Variants in AGBL4 observed in about 807,000 individuals in gnomAD.
The protein encoded by AGBL4 is cytosolic carboxypeptidase 6.
AGBL4 carries 58 observed loss-of-function variants against 66.4 expected under a neutral mutation model. That is an observed-to-expected ratio of 0.87 (90% confidence interval 0.71 to 1.09). The LOEUF is 1.09. Ranked by LOEUF, AGBL4 falls within the 50% of genes least tolerant of loss-of-function variation. AGBL4 has a pLI of 0.00. For missense variants in AGBL4, 579 were observed against 631.0 expected (o/e 0.92, Z 0.88); for synonymous variants, 234 against 222.9 (o/e 1.05, Z -0.44).
intron 6 of AGBL4, among the ~76,000 whole-genome samples, chr1:48,852,656 T>G (rs138549855): frequency 3.3e-5 from 5 of 152,342 alleles, no homozygotes; most frequent in Admixed American, 6.5e-5. Flanking sequence ...AAAACAAGCA[T>G]TCTTACAGTT....
At chr1:49,938,841 GT>G (rs1361984622) in intron 1 of AGBL4, among the ~76,000 whole-genome samples, 2 of 151,964 alleles carry the variant, frequency 1.3e-5, no homozygotes, top group Non-Finnish European at 2.9e-5. Flanking sequence ...AGTGTTGGAA[GT>G]TCTGGCCAGG....
intron 2 of AGBL4, among the ~76,000 whole-genome samples, chr1:49,740,478 T>A (rs1276822275): frequency 6.6e-6 from 1 of 152,130 alleles, no homozygotes. Flanking sequence ...ACTGTCAATA[T>A]TAGACAGATC....
intron 2 of AGBL4, among the ~76,000 whole-genome samples, chr1:49,717,735 C>T (rs1032549681): frequency 4.6e-5 from 7 of 151,952 alleles, no homozygotes; most frequent in Non-Finnish European, 8.8e-5. Flanking sequence ...ATTGTTATAT[C>T]GGCAGCACCT....
At chr1:49,373,806 G>C (rs1246646674) in intron 3 of AGBL4, among the ~76,000 whole-genome samples, 1 of 152,032 alleles carries the variant, frequency 6.6e-6, no homozygotes, top group East Asian at 1.9e-4. Context: ...TAGAGGAGGA[G>C]AAAATACTCC....
intron 3 of AGBL4, among the ~76,000 whole-genome samples, chr1:49,483,549 T>G (rs1478660725): frequency 6.6e-6 from 1 of 151,910 alleles, no homozygotes; most frequent in African/African-American, 2.4e-5. Flanking sequence ...GATATCCATA[T>G]GGAAAAGAAG....
chr1:49,930,578 G>A (rs146216870), intron 1 of AGBL4, among the ~76,000 whole-genome samples: 11 of 152,140 alleles, frequency 7.2e-5, no homozygotes, highest in Non-Finnish European at 1.5e-4. Context: ...AACACATGAT[G>A]TATCATGATT....
At chr1:48,788,275 C>T (rs900077101) in intron 6 of AGBL4, among the ~76,000 whole-genome samples, 2 of 152,238 alleles carry the variant, frequency 1.3e-5, no homozygotes, top group African/African-American at 4.8e-5. Context: ...GAGATAATTT[C>T]TATTACTCTT....
intron 3 of AGBL4, among the ~76,000 whole-genome samples, chr1:49,515,481 G>A (rs1024392746): frequency 4.6e-5 from 7 of 151,540 alleles, no homozygotes; most frequent in South Asian, 2.1e-4. Context: ...TTAGTGTGGC[G>A]ATTCCTCAGG....
intron 6 of AGBL4, among the ~76,000 whole-genome samples, chr1:48,708,622 G>A (rs1007209204): frequency 3.4e-4 from 52 of 152,352 alleles, no homozygotes; most frequent in African/African-American, 1.1e-3. Flanking sequence ...GGGAGGTCAT[G>A]CTTACAGCCT....
chr1:49,892,044 G>C (rs559583986), intron 1 of AGBL4, among the ~76,000 whole-genome samples: 2 of 152,094 alleles, frequency 1.3e-5, no homozygotes, highest in Non-Finnish European at 2.9e-5. Context: ...AAGGACCAGA[G>C]GGACAGAGCA....
rs1170639867 is a variant in AGBL4, at chr1:49,052,366, CA to C, written c.378-6567del. Among the ~76,000 whole-genome samples the C allele has an allele frequency of 3.3e-5, 5 of 152,106 alleles. 1 individual carries two copies. Among genetic ancestry groups the C allele is most frequent in the Admixed American group, 6.5e-5 (1 of 15,272 alleles). On this transcript the variant is annotated intron_variant, in intron 4 of 13. Transcript: ENST00000371839. ...TATAAATCACATACTCTATCTTCTC[CA>C]ATCCAGATTCCTGACAGGCAGCAAG... is the stretch of plus-strand genomic sequence containing the variant.
At chr1:48,660,095 C>T (rs897324245) in intron 7 of AGBL4, among the ~76,000 whole-genome samples, 4 of 152,226 alleles carry the variant, frequency 2.6e-5, no homozygotes, top group Non-Finnish European at 4.4e-5. Flanking sequence ...CACAGGAGCT[C>T]CTCTGACCTC....
intron 3 of AGBL4, among the ~76,000 whole-genome samples, chr1:49,523,524 ATT>A (rs1650425664): frequency 6.6e-6 from 1 of 152,022 alleles, no homozygotes; most frequent in Non-Finnish European, 1.5e-5. Context: ...AAAAACTGGT[ATT>A]TGTTTGATTT....
intron 6 of AGBL4, among the ~76,000 whole-genome samples, chr1:48,668,269 GGCACTGGTCTCCCTGTGCC>G (rs1646221133): frequency 6.6e-6 from 1 of 152,100 alleles, no homozygotes; most frequent in Admixed American, 6.6e-5. Flanking sequence ...GAACAGCCCT[GGCACTGGTCTCCCTGTGCC>G]AGCACCACCC....
At chr1:49,743,206 G>A (rs532344904) in intron 2 of AGBL4, among the ~76,000 whole-genome samples, 210 of 151,976 alleles carry the variant, frequency 1.4e-3, no homozygotes, top group Non-Finnish European at 2.2e-3. Context: ...ACATTTACAA[G>A]AAAAAAACAA....
chr1:49,915,863 C>G (rs1263932125), intron 1 of AGBL4, among the ~76,000 whole-genome samples: 2 of 152,082 alleles, frequency 1.3e-5, no homozygotes, highest in Non-Finnish European at 2.9e-5. Flanking sequence ...CCTCACACGG[C>G]CAGGTACTCC....
At chr1:49,889,831 T>C (rs995651423) in intron 1 of AGBL4, among the ~76,000 whole-genome samples, 2 of 152,198 alleles carry the variant, frequency 1.3e-5, no homozygotes, top group African/African-American at 4.8e-5. Context: ...ACTATTCTTG[T>C]CTCCTCACAT....
At chr1:48,886,603 A>T (rs1331409830) in intron 5 of AGBL4, among the ~76,000 whole-genome samples, 1 of 151,954 alleles carries the variant, frequency 6.6e-6, no homozygotes. Flanking sequence ...CCCAAGCTGG[A>T]GTGCAGTGGC....
rs931833087 is a variant in AGBL4, at chr1:49,179,081, CATT to C, written c.377+66686_377+66688del. 2.4e-4 allele frequency among the ~76,000 whole-genome samples: 37 copies of C among 152,262 alleles called. 1 individual carries two copies. Among genetic ancestry groups the C allele is most frequent in the Non-Finnish European group, 5.0e-4 (34 of 68,028 alleles). The stretch of plus-strand genomic sequence containing the variant: ...AATTTTTCTCATAAATTGAGGCTTT[CATT>C]ATTATTTCCATAATGCTAAGAGTAC... On this transcript the variant is annotated intron_variant, in intron 4 of 13. Transcript: ENST00000371839.
Sources: allele counts gnomAD v4.1 joint callset (sites outside exome capture counted in the v4.1 genomes callset), GRCh38; gene constraint gnomAD v4.1.1; transcripts MANE v1.5; gene names NCBI Gene and HGNC (gene_info 2026-07-23, HGNC 2026-07-21).